FOXP2: variants seen among roughly 807,000 people sequenced by gnomAD.
FOXP2 encodes forkhead box protein P2.
In FOXP2, 12 loss-of-function variants were observed where a neutral mutation model predicts 115.8. The ratio of observed to expected loss-of-function variants is 0.10; its 90% CI spans 0.07 to 0.17. The LOEUF (loss-of-function observed/expected upper bound fraction) is 0.17, where lower values mean the gene tolerates loss of function less well. Among genes scored for constraint, FOXP2 ranks in the 10% least tolerant of loss-of-function variants. FOXP2 has a pLI of 1.00. For synonymous variants in FOXP2, 328 were observed against 297.7 expected, an observed-to-expected ratio of 1.10 and a Z score of -1.05; for missense variants, 629 against 843.5, an observed-to-expected ratio of 0.75 and a Z score of 3.15.
At chr7:114,645,366 C>T (rs1805831519) in intron 8 of FOXP2, 1 of 151,568 alleles carries the variant, frequency 6.6e-6, no homozygotes, top group Non-Finnish European at 1.5e-5. Flanking sequence ...AAGAAACACA[C>T]ATGGCTATAT....
At chr7:114,571,629 A>G (rs1231816252) in intron 3 of FOXP2, among the ~76,000 whole-genome samples, 1 of 151,850 alleles carries the variant, frequency 6.6e-6, no homozygotes, top group Non-Finnish European at 1.5e-5. Flanking sequence ...TCTGTACCGA[A>G]AATTTTCATA....
intron 2 of FOXP2, among the ~76,000 whole-genome samples, chr7:114,344,260 C>A (rs1011778878): frequency 4.6e-5 from 7 of 151,736 alleles, no homozygotes; most frequent in Non-Finnish European, 1.0e-4. Context: ...AAGCTCATGA[C>A]AATGACGGGG....
At chr7:114,687,036 T>C (rs1302543904) in intron 16 of FOXP2, among the ~76,000 whole-genome samples, 1 of 152,188 alleles carries the variant, frequency 6.6e-6, no homozygotes. Flanking sequence ...AAATGTTGTA[T>C]ACTTGTTGCT....
chr7:114,291,844 T>C (rs1316863243), intron 2 of FOXP2, among the ~76,000 whole-genome samples: 9 of 142,710 alleles, frequency 6.3e-5, no homozygotes, highest in Non-Finnish European at 1.1e-4. Context: ...ATGTTTTATA[T>C]ATATATAACA....
At chr7:114,100,449 CTG>C (rs1312154620) in intron 1 of FOXP2, among the ~76,000 whole-genome samples, 2 of 152,056 alleles carry the variant, frequency 1.3e-5, no homozygotes, top group African/African-American at 2.4e-5. Flanking sequence ...GTTAATGAAA[CTG>C]AAACTCATTT....
chr7:114,589,403 C>T (rs1014911271), intron 3 of FOXP2, among the ~76,000 whole-genome samples: 4 of 152,044 alleles, frequency 2.6e-5, no homozygotes, highest in Non-Finnish European at 4.4e-5. Context: ...GACAAGTAGA[C>T]AAGTTTCACC....
Position 114,189,932 on chromosome 7 carries a change from A to C in FOXP2, c.-102+26844A>C, listed in dbSNP as rs536175468. 2.0e-5 allele frequency among the ~76,000 whole-genome samples: 3 copies of C among 152,232 alleles called. No homozygotes were observed. The East Asian group carries it at 5.8e-4, about 29-fold the overall frequency. ...TAGAGTATTTCATGCAAATGAGTGC[A>C]TGTTTATGAAAGCCTATTTATTGAA... On this transcript the variant is annotated intron_variant, in intron 1 of 17. Transcript: ENST00000634411.
At chr7:114,311,246 G>A (rs114778036) in intron 2 of FOXP2, among the ~76,000 whole-genome samples, 2,304 of 152,180 alleles carry the variant, frequency 0.015, 27 homozygotes, top group African/African-American at 0.027. Context: ...ATGACTGACT[G>A]ACCTGTTGTA....
At chr7:114,254,563 C>G (rs1215096562) in intron 1 of FOXP2, among the ~76,000 whole-genome samples, 1 of 152,090 alleles carries the variant, frequency 6.6e-6, no homozygotes, top group Non-Finnish European at 1.5e-5. Context: ...TCACTGATAC[C>G]CTTTCTTCCA....
intron 2 of FOXP2, among the ~76,000 whole-genome samples, chr7:114,522,180 A>G (rs1221780997): frequency 6.6e-6 from 1 of 152,130 alleles, no homozygotes; most frequent in Non-Finnish European, 1.5e-5. Flanking sequence ...TTCAATAGAA[A>G]TGCTTCTTGT....
intron 2 of FOXP2, among the ~76,000 whole-genome samples, chr7:114,313,833 A>G (rs1452326947): frequency 6.6e-6 from 1 of 152,160 alleles, no homozygotes; most frequent in African/African-American, 2.4e-5. Flanking sequence ...GAAAGGATAT[A>G]TAATTCTAAC....
chr7:114,658,035 T>A (rs1207881205), intron 10 of FOXP2, 31 bp from the exon 11 acceptor site: 1 of 1,610,232 alleles, frequency 6.2e-7, no homozygotes, highest in South Asian at 1.1e-5. Context: ...TGTCTCTACC[T>A]TTTTCCTGCC....
chr7:114,319,134 C>T (rs1797345313), intron 2 of FOXP2, among the ~76,000 whole-genome samples: 1 of 134,414 alleles, frequency 7.4e-6, no homozygotes, highest in African/African-American at 2.8e-5. Flanking sequence ...TGGGCTAATG[C>T]CTATTTGTTG....
chr7:114,131,676 T>C (rs937764844), intron 1 of FOXP2, among the ~76,000 whole-genome samples: 2 of 152,234 alleles, frequency 1.3e-5, no homozygotes, highest in African/African-American at 4.8e-5. Flanking sequence ...CCCTGTTTAC[T>C]TGTAAATAGT....
intron 2 of FOXP2, among the ~76,000 whole-genome samples, chr7:114,380,266 C>A (rs968843200): frequency 6.6e-6 from 1 of 152,266 alleles, no homozygotes; most frequent in Admixed American, 6.5e-5. Context: ...CACATTGCTG[C>A]GTGGGCATGG....
chr7:114,196,731 A>G (rs1793920982), intron 1 of FOXP2, among the ~76,000 whole-genome samples: 1 of 152,214 alleles, frequency 6.6e-6, no homozygotes, highest in Admixed American at 6.5e-5. Context: ...TGCGATCTGC[A>G]ATCTGAGCTT....
At chr7:114,650,311 A>T (rs993708362) in intron 8 of FOXP2, among the ~76,000 whole-genome samples, 3 of 152,102 alleles carry the variant, frequency 2.0e-5, no homozygotes, top group Admixed American at 2.0e-4. Context: ...TGTTCTACTT[A>T]TCTTGCTTCC....
intron 2 of FOXP2, among the ~76,000 whole-genome samples, chr7:114,398,287 A>C (rs1053294991): frequency 7.2e-5 from 11 of 152,170 alleles, no homozygotes; most frequent in Non-Finnish European, 1.3e-4. Context: ...AAATTATGCA[A>C]GTATTAATTT....
rs73432258 is a variant in FOXP2 at position 114,325,681 on chromosome 7, T to C, written c.-11+37572T>C. ...TGGATCTAATCAAAGTTAGAGGAAA[T>C]ATATGGAGGAAAATAATAAAGCTAG... On this transcript the variant is annotated intron_variant, in intron 2 of 17. Coordinates refer to the FOXP2 transcript ENST00000634411. Among the ~76,000 whole-genome samples the C allele has an allele frequency of 5.0e-3, 761 of 152,078 alleles. 8 individuals are homozygous for C. Among genetic ancestry groups the C allele is most frequent in the African/African-American group, 0.017 (689 of 41,522 alleles).
Sources: gnomAD v4.1 joint callset for allele counts (sites outside exome capture counted in the v4.1 genomes callset) on GRCh38, gnomAD v4.1.1 for gene constraint, MANE v1.5 for transcripts, NCBI Gene and HGNC (gene_info 2026-07-23, HGNC 2026-07-21) for gene names.